Variants in RICTOR observed in about 807,000 individuals in gnomAD.
RICTOR encodes RPTOR independent companion of MTOR complex 2.
In RICTOR, 49 loss-of-function variants were observed where a neutral mutation model predicts 214.9. The observed-to-expected ratio is 0.23, with a 90% CI of 0.18 to 0.29. The LOEUF (loss-of-function observed/expected upper bound fraction) is 0.29. Among genes scored for constraint, RICTOR ranks in the 10% least tolerant of loss-of-function variants. RICTOR has a pLI of 1.00. For synonymous variants in RICTOR, 717 were observed against 711.3 expected, an observed-to-expected ratio of 1.01 and a Z score of -0.13; for missense variants, 1,625 against 2,047.0, an observed-to-expected ratio of 0.79 and a Z score of 3.98.
At chr5:38,944,292 G>C (rs542447316) in intron 36 of RICTOR, 154 bp downstream of exon 36, 1 of 752,488 alleles carries the variant, frequency 1.3e-6, no homozygotes, top group African/African-American at 1.7e-5. Flanking sequence ...TTTGGCTGAA[G>C]TATTAAAGAA....
At chr5:38,997,189 A>G (rs1210695519) in intron 5 of RICTOR, among the ~76,000 whole-genome samples, 2 of 152,190 alleles carry the variant, frequency 1.3e-5, no homozygotes, top group African/African-American at 4.8e-5. Context: ...GTCTACTAAA[A>G]AAATTCACTT....
At chr5:38,981,701 G>T (rs41271113) in intron 8 of RICTOR, 166 bp downstream of exon 8, 16 of 495,608 alleles carry the variant, frequency 3.2e-5, no homozygotes, top group Non-Finnish European at 4.2e-5. Context: ...TTTCAATTCA[G>T]TCCAAACTGA....
At position 38,967,178 on chromosome 5, in the gene RICTOR, G is replaced by A. The variant is rs770728330; in HGVS notation, c.1201C>T (p.Arg401Cys). Residue 401 changes from arginine to cysteine, a missense_variant, in exon 14 of 38, where the codon CGT (arginine) becomes TGT (cysteine). Arg to Cys is a radical substitution (Grantham distance 180). Around this residue, in one of 5 missense-constraint regions of RICTOR, gnomAD observed 1,214 missense variants for 1,470.5 expected, o/e 0.83. Transcript: ENST00000357387. ...AGTCTTACCTCTAAAAGTCCATTAC[G>A]AATAAATGCAGAGAGTATCAGTGCC... ...YLALILSAFI[R>C]NGLLEGLVEV... 30 of 1,608,702 alleles carry A rather than the reference G, an allele frequency of 1.9e-5. No homozygotes were observed. The highest frequency in any genetic ancestry group is 1.7e-4 in the Middle Eastern group (1 of 6,056).
At chr5:38,960,150 A>G (rs1561461090) in intron 20 of RICTOR, among the ~76,000 whole-genome samples, 172 bp from the exon 21 acceptor site, 1 of 152,140 alleles carries the variant, frequency 6.6e-6, no homozygotes, top group Non-Finnish European at 1.5e-5. Flanking sequence ...TGCTGCATGG[A>G]GATGATATTA....
At chr5:39,028,753 C>T (rs1051011903) in intron 2 of RICTOR, among the ~76,000 whole-genome samples, 11 of 152,036 alleles carry the variant, frequency 7.2e-5, no homozygotes, top group Admixed American at 2.6e-4. Context: ...AAGAACAGAG[C>T]TGTGTGCAGT....
intron 5 of RICTOR, among the ~76,000 whole-genome samples, chr5:38,998,132 G>A (rs1753314537): frequency 6.6e-6 from 1 of 152,182 alleles, no homozygotes; most frequent in Admixed American, 6.5e-5. Flanking sequence ...GCCACTGCTA[G>A]GAGCAAAGGC....
intron 3 of RICTOR, among the ~76,000 whole-genome samples, chr5:39,005,821 A>G (rs1272880990): frequency 6.6e-6 from 1 of 152,190 alleles, no homozygotes; most frequent in Non-Finnish European, 1.5e-5. Context: ...TGCCCTGGTA[A>G]GACCAGGCCT....
At chr5:38,990,629 ATATATC>A (rs1393701678) in intron 7 of RICTOR, among the ~76,000 whole-genome samples, 1 of 111,246 alleles carries the variant, frequency 9.0e-6, no homozygotes, top group African/African-American at 3.4e-5. Flanking sequence ...TATATGATAT[ATATATC>A]TGACATATAT....
At chr5:38,958,092 C>G (rs1749449995) in intron 24 of RICTOR, among the ~76,000 whole-genome samples, 1 of 151,914 alleles carries the variant, frequency 6.6e-6, no homozygotes, top group South Asian at 2.1e-4. Flanking sequence ...AAAAAATTAG[C>G]TGGGCGTGGT....
intron 2 of RICTOR, among the ~76,000 whole-genome samples, chr5:39,059,964 A>G (rs961480742): frequency 2.6e-5 from 4 of 152,158 alleles, no homozygotes; most frequent in East Asian, 1.9e-4. Context: ...TCTCAAAGGC[A>G]GGATCAAGAT....
rs377537544 is a variant in RICTOR, at chr5:39,024,854, C to T, written c.98-3718G>A. On this transcript the variant is annotated intron_variant, in intron 2 of 37. Transcript: ENST00000357387. The stretch of plus-strand genomic sequence containing the variant: ...TTTTTTTAAAACCACAATCTTGTTA[C>T]AAAGCAAAATCTCATATCTAAGTGT... 1.2e-4 allele frequency among the ~76,000 whole-genome samples: 18 copies of T among 152,108 alleles called. No individual in the cohort carries two copies. In the East Asian group the frequency reaches 2.1e-3, roughly 18 times the overall value.
At chr5:39,005,479 G>C (rs964948128) in intron 3 of RICTOR, among the ~76,000 whole-genome samples, 2 of 150,620 alleles carry the variant, frequency 1.3e-5, no homozygotes, top group African/African-American at 4.9e-5. Flanking sequence ...TTCCCTTCTT[G>C]AATTTCCATT....
chr5:39,037,082 G>A (rs1377467132), intron 2 of RICTOR, among the ~76,000 whole-genome samples: 1 of 152,084 alleles, frequency 6.6e-6, no homozygotes, highest in Non-Finnish European at 1.5e-5. Context: ...GCACTCCTCA[G>A]GAAATGTAAA....
At chr5:39,009,476 C>T (rs1034238686) in intron 3 of RICTOR, among the ~76,000 whole-genome samples, 1 of 152,028 alleles carries the variant, frequency 6.6e-6, no homozygotes, top group African/African-American at 2.4e-5. Flanking sequence ...GAGAAAGATG[C>T]TGAATCAGCT....
At position 38,947,308 on chromosome 5, in the gene RICTOR, A is replaced by C. The variant is rs1415351890; in HGVS notation, c.4270T>G (p.Tyr1424Asp). The stretch of plus-strand genomic sequence containing the variant: ...TCCACCGGGAGAGCAAGACCAATGT[A>C]ATCATCTGAACCCCCATATGTGGCA... ...SSATYGGSDD[Y>D]IGLALPVDIN... The change falls in exon 32 of 38, where the codon TAC (tyrosine) becomes GAC (aspartate). Residue 1424 changes from tyrosine to aspartate, a missense_variant. Tyr to Asp is a radical substitution (Grantham distance 160). Around this residue, in one of 5 missense-constraint regions of RICTOR, gnomAD observed 1,214 missense variants for 1,470.5 expected, o/e 0.83. Coordinates refer to ENST00000357387, the MANE Select transcript of RICTOR (RefSeq NM_152756.5). The C allele has an allele frequency of 6.2e-7, 1 of 1,613,070 alleles. No homozygotes were observed. Among genetic ancestry groups the C allele is most frequent in the South Asian group, 1.1e-5 (1 of 91,042 alleles).
chr5:39,000,595 G>T (rs1219776704), intron 5 of RICTOR, among the ~76,000 whole-genome samples: 2 of 151,896 alleles, frequency 1.3e-5, no homozygotes, highest in African/African-American at 2.4e-5. Context: ...AAACAAACTT[G>T]TCCATTATTA....
chr5:39,037,365 G>A (rs1756799252), intron 2 of RICTOR, among the ~76,000 whole-genome samples: 2 of 151,942 alleles, frequency 1.3e-5, no homozygotes, highest in Non-Finnish European at 1.5e-5. Context: ...AGAGAAAGCA[G>A]GAAAGATCCA....
At chr5:38,975,507 G>C (rs914587058) in intron 10 of RICTOR, 30 bp downstream of exon 10, 1 of 1,497,832 alleles carries the variant, frequency 6.7e-7, no homozygotes, top group Non-Finnish European at 9.3e-7. Context: ...TTTCTTCTTG[G>C]ATGTTATAAA....
At position 38,950,436 on chromosome 5, in the gene RICTOR, T is replaced by C. The variant is rs1455076335; in HGVS notation, c.3412A>G (p.Ser1138Gly). 1 of 1,613,568 alleles carries C rather than the reference T, an allele frequency of 6.2e-7. No individual in the cohort carries two copies. The highest frequency in any genetic ancestry group is 2.2e-5 in the East Asian group (1 of 44,854). The change falls in exon 31 of 38, where the codon AGT becomes GGT. Residue 1138 changes from serine to glycine, a missense_variant. By Grantham distance (56) the Ser-to-Gly change is moderately conservative. Transcript: ENST00000357387. Reference sequence around the variant, plus strand: ...TCATCACTATGATTAAAATCAACACTGGGCTCCGTAAGTGTTCTGATTCGC... The same window carrying C: ...TCATCACTATGATTAAAATCAACACCGGGCTCCGTAAGTGTTCTGATTCGC... ...NRRIRTLTEP[S>G]VDFNHSDDFT...
Sources: gnomAD v4.1 joint callset for allele counts (sites outside exome capture counted in the v4.1 genomes callset) on GRCh38, gnomAD v4.1.1 for gene constraint, gnomAD v4.1.1 regional missense constraint, MANE v1.5 for transcripts, NCBI Gene and HGNC (gene_info 2026-07-23, HGNC 2026-07-21) for gene names.